The following KCNAB2 variants were observed in gnomAD, a reference collection of about 807,000 sequenced individuals.
KCNAB2 encodes the protein potassium voltage-gated channel subfamily A regulatory beta subunit 2.
In KCNAB2, 29 loss-of-function variants were observed where a neutral mutation model predicts 63.6. The observed-to-expected ratio is 0.46, with a 90% CI of 0.34 to 0.62. The LOEUF (loss-of-function observed/expected upper bound fraction) is 0.62, where lower values mean the gene tolerates loss of function less well. KCNAB2 is among the 20% of genes least tolerant of loss of function. The pLI, the probability that KCNAB2 is intolerant of heterozygous loss-of-function variation, is 0.01. For missense variants in KCNAB2, 359 were observed against 563.9 expected, an observed-to-expected ratio of 0.64 and a Z score of 3.68; for synonymous variants, 222 against 224.2, an observed-to-expected ratio of 0.99 and a Z score of 0.09.
chr1:6,097,822 G>C lies in KCNAB2; in HGVS notation c.1158+465G>C, dbSNP rs112692547. ...CAGAGGGGCAGATCCTGAGAGGCAC[G>C]AAACACCTCCAGGGACTTCTGAGTG... On this transcript the variant is annotated intron_variant, in intron 15 of 15. Transcript: ENST00000378083. The C allele has an allele frequency of 1.2e-3, 356 of 298,998 alleles. 1 individual carries two copies. The highest frequency in any genetic ancestry group is 7.1e-3 in the African/African-American group (328 of 46,470). The allele number at this position is 298,998 out of a possible 1,614,324, so 18.5% of individuals were successfully genotyped here.
At chr1:6,025,595 C>A (rs2100351539) in intron 1 of KCNAB2, among the ~76,000 whole-genome samples, 1 of 152,374 alleles carries the variant, frequency 6.6e-6, no homozygotes, top group African/African-American at 2.4e-5. Context: ...GGCCACCTGT[C>A]CCCTCAAGGC....
chr1:6,002,884 G>A (rs757696552), intron 1 of KCNAB2, among the ~76,000 whole-genome samples: 49 of 152,202 alleles, frequency 3.2e-4, no homozygotes, highest in Non-Finnish European at 3.7e-4. Flanking sequence ...TGTCCTTTGA[G>A]TTGGCAGCTG....
chr1:6,086,308 A>G lies in KCNAB2; in HGVS notation c.425+1060A>G, dbSNP rs898551986. 2.0e-6 allele frequency: 2 copies of G among 984,546 alleles called. No homozygotes were observed. Among genetic ancestry groups the G allele is most frequent in the African/African-American group, 3.5e-5 (2 of 56,926 alleles). The allele number at this position is 984,546 out of a possible 1,614,324, so 61.0% of individuals were successfully genotyped here. ...GTCCCATCAAATTTGTTTTTTGGCA[A>G]CTCTGATCCCAAAACAAATTCCTCC... On this transcript the variant is annotated intron_variant, in intron 6 of 15. Coordinates refer to ENST00000378083, the MANE Select transcript of KCNAB2 (RefSeq NM_001199862.2). This position sits in a 1 kb window ranked among gnomAD's most constrained non-coding sequence, Gnocchi z 4.2.
At chr1:6,000,237 C>T (rs1159374358) in intron 1 of KCNAB2, among the ~76,000 whole-genome samples, 1 of 152,180 alleles carries the variant, frequency 6.6e-6, no homozygotes, top group Non-Finnish European at 1.5e-5. Flanking sequence ...TTTTTAGTCA[C>T]CCAGACCAGG....
intron 1 of KCNAB2, among the ~76,000 whole-genome samples, chr1:6,015,030 T>TG (rs1336007356): frequency 4.2e-5 from 6 of 142,206 alleles, no homozygotes; most frequent in East Asian, 2.0e-4. Context: ...TTTTTTTTTT[T>TG]TTTTTTTTTT....
chr1:6,064,263 C>T (rs1662561275), intron 2 of KCNAB2, among the ~76,000 whole-genome samples: 1 of 152,208 alleles, frequency 6.6e-6, no homozygotes, highest in Non-Finnish European at 1.5e-5. Context: ...ATGCCCAGGA[C>T]CCTGCCTTTG....
At position 6,051,516 on chromosome 1, in the gene KCNAB2, G is replaced by A. The variant is rs1235095349; in HGVS notation, c.-21G>A. 1 of 1,499,966 alleles carries A rather than the reference G, an allele frequency of 6.7e-7. No individual in the cohort carries two copies. The highest frequency in any genetic ancestry group is 8.9e-7 in the Non-Finnish European group (1 of 1,122,678). The allele number at this position is 1,499,966 out of a possible 1,614,324, so 92.9% of individuals were successfully genotyped here. ...ACTCATCACCGTCTGGACAGTGGCA[G>A]CTCCCAAGCCAGGCGGCACCATGCT... On this transcript the variant is annotated 5_prime_UTR_variant, in exon 2 of 16. Coordinates refer to ENST00000378083, the MANE Select transcript of KCNAB2 (RefSeq NM_001199862.2).
At chr1:6,061,672 C>T (rs1364240559) in intron 2 of KCNAB2, among the ~76,000 whole-genome samples, 3 of 152,210 alleles carry the variant, frequency 2.0e-5, no homozygotes, top group Non-Finnish European at 4.4e-5. Flanking sequence ...AGGTAACATG[C>T]ACTGATACAG....
At chr1:6,045,070 T>C (rs531186961), upstream of KCNAB2, among the ~76,000 whole-genome samples, 1 of 152,240 alleles carries the variant, frequency 6.6e-6, no homozygotes, top group South Asian at 2.1e-4. This position sits in a 1 kb window ranked among gnomAD's most constrained non-coding sequence, Gnocchi z 4.8. Flanking sequence ...GCCAAGGCCT[T>C]CGCAGCTAGT....
chr1:6,030,515 ATGTATGTG>A (rs920980097), upstream of KCNAB2, among the ~76,000 whole-genome samples: 4 of 148,728 alleles, frequency 2.7e-5, no homozygotes, highest in Non-Finnish European at 5.9e-5. Context: ...TGTGTTATGT[ATGTATGTG>A]TGTATGTGTG....
intron 7 of KCNAB2, among the ~76,000 whole-genome samples, chr1:6,088,230 CTCTTT>C (rs1231322578): frequency 1.7e-5 from 2 of 118,356 alleles, no homozygotes; most frequent in Non-Finnish European, 3.5e-5. Flanking sequence ...TTCTCTCTCT[CTCTTT>C]TTTTTTTTTT....
At position 6,046,369 on chromosome 1, in the gene KCNAB2, A is replaced by G. The variant is rs545266178; in HGVS notation, c.-27+186A>G. 2.1e-3 allele frequency among the ~76,000 whole-genome samples: 325 copies of G among 152,326 alleles called. 14 individuals are homozygous for G. The South Asian group carries it at 0.063, about 30-fold the overall frequency. ...AGAGCCAGCCTGAGGTAAACTTGGAATGACCGTGATGGATGGGGTGGTGGG... is the reference window on the plus strand; with the variant it reads ...AGAGCCAGCCTGAGGTAAACTTGGAGTGACCGTGATGGATGGGGTGGTGGG... On this transcript the variant is annotated intron_variant, in intron 1 of 15. Coordinates refer to ENST00000378083, the MANE Select transcript of KCNAB2 (RefSeq NM_001199862.2).
chr1:6,057,674 C>T (rs1029298881), intron 2 of KCNAB2, among the ~76,000 whole-genome samples: 5 of 152,184 alleles, frequency 3.3e-5, no homozygotes, highest in Admixed American at 6.5e-5. Context: ...CAGGTGCAGC[C>T]GGGCCATACT....
At position 6,046,065 on chromosome 1, in the gene KCNAB2, C is replaced by T. The variant is rs115235011; in HGVS notation, c.-145C>T. The T allele has an allele frequency of 4.3e-4, 425 of 985,446 alleles. 2 individuals are homozygous for T. The highest frequency in any genetic ancestry group is 4.2e-3 in the Middle Eastern group (8 of 1,914). 61.0% of individuals were successfully genotyped at this position (985,446 alleles called of 1,614,324 possible). ...CATCTCATTCACCAATTGCTTCTGA[C>T]GTCCTGCAGTGACACTCCCTAATGA... On this transcript the variant is annotated 5_prime_UTR_variant, in exon 1 of 16. It adds an upstream start codon to the 5' untranslated region. Coordinates refer to ENST00000378083, the MANE Select transcript of KCNAB2 (RefSeq NM_001199862.2).
chr1:6,094,297 C>T lies in KCNAB2; in HGVS notation c.647-103C>T, dbSNP rs540087153. The T allele has an allele frequency of 7.3e-6, 6 of 826,062 alleles. No homozygotes were observed. The African/African-American group carries it at 8.4e-5, about 12-fold the overall frequency. 51.2% of individuals were successfully genotyped at this position (826,062 alleles called of 1,614,324 possible). ...TGCTTGCAAGACATCTTCGCAGCCC[C>T]TGTCCCTCCTCCCAGCGTCCTGCCT... On this transcript the variant is annotated intron_variant, in intron 10 of 15. Transcript: ENST00000378083.
chr1:6,043,995 T>G (rs1447191131), upstream of KCNAB2, among the ~76,000 whole-genome samples: 1 of 152,338 alleles, frequency 6.6e-6, no homozygotes, highest in South Asian at 2.1e-4. Context: ...CATGCTTAAC[T>G]GGGGCCTACC....
intron 1 of KCNAB2, among the ~76,000 whole-genome samples, chr1:6,016,405 T>C (rs1658502581): frequency 6.6e-6 from 1 of 152,210 alleles, no homozygotes; most frequent in Non-Finnish European, 1.5e-5. Context: ...TGGAGCTATT[T>C]AAACCTGGGG....
At position 6,084,797 on chromosome 1, in the gene KCNAB2, G is replaced by A. The variant is rs576598002; in HGVS notation, c.381-407G>A. On this transcript the variant is annotated intron_variant, in intron 5 of 15. Coordinates refer to ENST00000378083, the MANE Select transcript of KCNAB2 (RefSeq NM_001199862.2). ...CGCCACTACATTCCATTGATAGAGCGAGACTCCATTTCAAAAAAAAAAAAA... is the reference window on the plus strand; with the variant it reads ...CGCCACTACATTCCATTGATAGAGCAAGACTCCATTTCAAAAAAAAAAAAA... Among the ~76,000 whole-genome samples the A allele has an allele frequency of 5.9e-4, 43 of 72,378 alleles. No individual in the cohort carries two copies. In the East Asian group the frequency reaches 0.012, roughly 20 times the overall value. The allele number at this position is 72,378 out of a possible 152,430, so 47.5% of individuals were successfully genotyped here.
intron 1 of KCNAB2, among the ~76,000 whole-genome samples, chr1:6,051,165 G>T (rs1401515374): frequency 6.6e-6 from 1 of 152,212 alleles, no homozygotes; most frequent in Non-Finnish European, 1.5e-5. Context: ...AGCATTTGGG[G>T]GGCTCAGGCT....
Sources: gnomAD v4.1 joint callset for allele counts (sites outside exome capture counted in the v4.1 genomes callset) on GRCh38, gnomAD v4.1.1 for gene constraint, Gnocchi (gnomAD v3.1) non-coding constraint, MANE v1.5 for transcripts, NCBI Gene and HGNC (gene_info 2026-07-23, HGNC 2026-07-21) for gene names.